The following TENM3 variants were observed in gnomAD, a reference collection of about 807,000 sequenced individuals.
TENM3 encodes teneurin transmembrane protein 3.
A neutral mutation model predicts 255.1 loss-of-function variants in TENM3; 63 were observed. The ratio of observed to expected loss-of-function variants is 0.25; its 90% CI spans 0.20 to 0.30. TENM3 has a LOEUF of 0.30. Among genes scored for constraint, TENM3 ranks in the 10% least tolerant of loss-of-function variants. The pLI is 1.00. For synonymous variants in TENM3, 1,306 were observed against 1,322.3 expected (o/e 0.99, Z 0.27); for missense variants, 2,929 against 3,461.1 (o/e 0.85, Z 3.86).
At chr4:181,826,301 C>A in the TENM3 span, among the ~76,000 whole-genome samples, 1 of 151,926 alleles carries the variant, frequency 6.6e-6, no homozygotes, top group East Asian at 1.9e-4. Context: ...AGTTATTTAA[C>A]AAAGAAAAAC....
the TENM3 span, among the ~76,000 whole-genome samples, chr4:181,573,207 G>A: frequency 6.6e-6 from 1 of 152,078 alleles, no homozygotes; most frequent in South Asian, 2.1e-4. Context: ...AAATACAGGA[G>A]GGCACATATC....
chr4:182,795,415 C>CTCTTA (rs1176589619), intron 26 of TENM3, among the ~76,000 whole-genome samples: 2 of 152,146 alleles, frequency 1.3e-5, no homozygotes, highest in Admixed American at 6.5e-5. Flanking sequence ...CTCATATACA[C>CTCTTA]TCTTACATAC....
chr4:182,586,139 A>G (rs866344118), intron 3 of TENM3, among the ~76,000 whole-genome samples: 3 of 152,022 alleles, frequency 2.0e-5, no homozygotes, highest in African/African-American at 4.8e-5. Flanking sequence ...TGCCTGTAGT[A>G]CCCGCTACTC....
rs111884547 is a variant in TENM3 at position 182,634,943 on chromosome 4, T to C, written c.988+6054T>C. 5.6e-3 allele frequency among the ~76,000 whole-genome samples: 859 copies of C among 152,270 alleles called. 7 individuals carry two copies. Among genetic ancestry groups the C allele is most frequent in the African/African-American group, 0.02 (828 of 41,542 alleles). On this transcript the variant is annotated intron_variant, in intron 5 of 27. Coordinates refer to ENST00000511685, the MANE Select transcript of TENM3 (RefSeq NM_001080477.4). The stretch of plus-strand genomic sequence containing the variant: ...ATCCCTCATGAAGGATAAACATTAT[T>C]GACGCATTGCTACATGCAAATCATA...
chr4:182,795,404 AC>A (rs1561266352), intron 26 of TENM3, among the ~76,000 whole-genome samples: 1 of 151,754 alleles, frequency 6.6e-6, no homozygotes, highest in Non-Finnish European at 1.5e-5. Flanking sequence ...CCACCCCCAA[AC>A]TCATATACAC....
the TENM3 span, among the ~76,000 whole-genome samples, chr4:181,936,981 T>C: frequency 6.6e-6 from 1 of 152,168 alleles, no homozygotes; most frequent in Admixed American, 6.5e-5. Flanking sequence ...CAGTGTGTTG[T>C]TGTAAAGAGG....
chr4:181,536,109 TCCCATA>T, the TENM3 span, among the ~76,000 whole-genome samples: 1 of 152,208 alleles, frequency 6.6e-6, no homozygotes, highest in Admixed American at 6.5e-5. Context: ...TGCTACTGAA[TCCCATA>T]TGCTTAGCAC....
intron 1 of TENM3, among the ~76,000 whole-genome samples, chr4:182,248,728 G>A (rs948209369): frequency 3.3e-5 from 5 of 152,142 alleles, no homozygotes; most frequent in Non-Finnish European, 5.9e-5. Flanking sequence ...TGCCTACTAC[G>A]TGCCAGCTCA....
At chr4:181,866,206 C>T in the TENM3 span, among the ~76,000 whole-genome samples, 1 of 152,158 alleles carries the variant, frequency 6.6e-6, no homozygotes, top group African/African-American at 2.4e-5. Context: ...CGTGCTATTT[C>T]TATCTTCTGT....
At chr4:181,959,190 C>G in the TENM3 span, among the ~76,000 whole-genome samples, 11 of 152,136 alleles carry the variant, frequency 7.2e-5, no homozygotes, top group East Asian at 3.9e-4. Context: ...TCTAGGAAGC[C>G]TTTCTTCAAC....
At chr4:182,107,348 G>T in the TENM3 span, among the ~76,000 whole-genome samples, 2 of 152,174 alleles carry the variant, frequency 1.3e-5, no homozygotes, top group African/African-American at 4.8e-5. Flanking sequence ...CCAGAAAGCA[G>T]CCCACCCTGG....
intron 3 of TENM3, among the ~76,000 whole-genome samples, chr4:182,438,398 A>G (rs1403938432): frequency 6.6e-6 from 1 of 152,244 alleles, no homozygotes; most frequent in Non-Finnish European, 1.5e-5. Flanking sequence ...TTATGAAACT[A>G]CATGTTTTTA....
At chr4:181,996,820 G>A in the TENM3 span, among the ~76,000 whole-genome samples, 2 of 152,134 alleles carry the variant, frequency 1.3e-5, no homozygotes, top group Non-Finnish European at 2.9e-5. Flanking sequence ...CACTATGTTC[G>A]AGGTCTAAGA....
the TENM3 span, among the ~76,000 whole-genome samples, chr4:181,773,206 GA>G: frequency 6.6e-6 from 1 of 152,018 alleles, no homozygotes; most frequent in African/African-American, 2.4e-5. Context: ...GTCACCCAGG[GA>G]GTTTTTCCTT....
At chr4:181,463,727 A>G in the TENM3 span, among the ~76,000 whole-genome samples, 12 of 152,114 alleles carry the variant, frequency 7.9e-5, no homozygotes, top group Admixed American at 7.9e-4. Flanking sequence ...AGGGCTGTGC[A>G]ACCATCATCC....
intron 1 of TENM3, among the ~76,000 whole-genome samples, chr4:182,263,196 T>A (rs1758977583): frequency 6.6e-6 from 1 of 151,996 alleles, no homozygotes; most frequent in African/African-American, 2.4e-5. Flanking sequence ...TATAACGTCT[T>A]GCGAACCACA....
chr4:181,523,034 G>A, the TENM3 span: 4 of 615,294 alleles, frequency 6.5e-6, no homozygotes, highest in Non-Finnish European at 6.3e-6. Context: ...GTAGAAGAAG[G>A]GAAATCGCAA....
the TENM3 span, among the ~76,000 whole-genome samples, chr4:181,939,455 A>G: frequency 6.6e-6 from 1 of 152,256 alleles, no homozygotes; most frequent in African/African-American, 2.4e-5. Flanking sequence ...AACCGCAGAG[A>G]AAGAGCTGTG....
the TENM3 span, among the ~76,000 whole-genome samples, chr4:181,765,139 T>A: frequency 6.6e-6 from 1 of 152,242 alleles, no homozygotes; most frequent in African/African-American, 2.4e-5. Flanking sequence ...CAGAAAGATG[T>A]ACCTGAGCTT....
Sources: allele counts gnomAD v4.1 joint callset (sites outside exome capture counted in the v4.1 genomes callset), GRCh38; gene constraint gnomAD v4.1.1; transcripts MANE v1.5; gene names NCBI Gene and HGNC (gene_info 2026-07-23, HGNC 2026-07-21).